Variants in TMEM232 observed in about 807,000 individuals in gnomAD.
TMEM232 encodes the protein transmembrane protein 232.
TMEM232 carries 80 observed loss-of-function variants against 78.8 expected under a neutral mutation model. That is an observed-to-expected ratio of 1.01 (90% CI 0.85 to 1.22). The LOEUF (loss-of-function observed/expected upper bound fraction) is 1.22, where lower values mean the gene tolerates loss of function less well. Among genes scored for constraint, TMEM232 ranks in the 50% most tolerant of loss-of-function variants. The probability of loss-of-function intolerance (pLI) is 0.00; values close to 1 mark genes in which losing one functional copy is unlikely to be tolerated. For missense variants in TMEM232, 881 were observed against 742.2 expected (o/e 1.19, Z -2.17); for synonymous variants, 297 against 254.3 (o/e 1.17, Z -1.60).
At chr5:110,512,293 A>G (rs1767884174) in intron 12 of TMEM232, among the ~76,000 whole-genome samples, 2 of 152,180 alleles carry the variant, frequency 1.3e-5, no homozygotes, top group African/African-American at 4.8e-5. Flanking sequence ...GAATAAATAA[A>G]CTTATGGAAA....
At chr5:110,631,796 T>C (rs1409224552) in intron 5 of TMEM232, among the ~76,000 whole-genome samples, 1 of 152,084 alleles carries the variant, frequency 6.6e-6, no homozygotes, top group East Asian at 1.9e-4. Flanking sequence ...CATGCACTGC[T>C]CAGGACCCAG....
chr5:110,421,050 CATCAAT>C (rs1167448908), intron 13 of TMEM232, among the ~76,000 whole-genome samples: 14 of 151,170 alleles, frequency 9.3e-5, no homozygotes, highest in Admixed American at 7.9e-4. Context: ...TTACGTTCTT[CATCAAT>C]ATTGGTATTT....
intron 5 of TMEM232, 124 bp from the exon 6 acceptor site, chr5:110,628,004 A>G (rs567147338): frequency 2.4e-5 from 17 of 714,996 alleles, no homozygotes; most frequent in African/African-American, 1.5e-4. Context: ...AACTCACTCA[A>G]TATTATGTGG....
intron 5 of TMEM232, among the ~76,000 whole-genome samples, chr5:110,628,206 A>G (rs1451676074): frequency 1.3e-5 from 2 of 151,958 alleles, no homozygotes; most frequent in Admixed American, 1.3e-4. Context: ...TTGAGAGGAG[A>G]TTTTTAAATA....
chr5:110,436,531 T>C (rs1314640606), intron 12 of TMEM232, among the ~76,000 whole-genome samples: 4 of 151,982 alleles, frequency 2.6e-5, no homozygotes, highest in Admixed American at 2.6e-4. Context: ...AATTTTTCCC[T>C]AGACCAATGT....
At chr5:110,556,420 A>G (rs1473402500) in intron 11 of TMEM232, among the ~76,000 whole-genome samples, 3 of 148,446 alleles carry the variant, frequency 2.0e-5, no homozygotes, top group Non-Finnish European at 3.0e-5. Flanking sequence ...GGGCATCCCA[A>G]TCTGTCACTC....
intron 1 of TMEM232, among the ~76,000 whole-genome samples, chr5:110,702,003 C>T (rs1014965809): frequency 6.6e-6 from 1 of 151,752 alleles, no homozygotes; most frequent in East Asian, 1.9e-4. Context: ...TCTTGTATAC[C>T]CCACTCCAAA....
chr5:110,606,283 C>A lies in TMEM232; in HGVS notation c.907G>T (p.Asp303Tyr). 6.6e-7 allele frequency: 1 copy of A among 1,518,524 alleles called. No individual in the cohort carries two copies. Among genetic ancestry groups the A allele is most frequent in the Non-Finnish European group, 8.9e-7 (1 of 1,128,816 alleles). The allele number at this position is 1,518,524 out of a possible 1,614,324, so 94.1% of individuals were successfully genotyped here. A position where few individuals can be genotyped will look rare whatever the true frequency, so the allele number is the denominator to read the frequency against. ...AGGACCAGTAAAGCCAGTACTGAATCCAACCTGAAAATTTTATGGACGAAA... is the reference window on the plus strand; with the variant it reads ...AGGACCAGTAAAGCCAGTACTGAATACAACCTGAAAATTTTATGGACGAAA... ...KTQLQKKCWL[D>Y]SVLALLVLGE... is the part of the protein sequence containing the mutation. The change falls in exon 9 of 14, where the codon GAT (aspartate) becomes TAT (tyrosine). Residue 303 changes from aspartate (D) to tyrosine (Y), a missense_variant. By Grantham distance (160) the Asp-to-Tyr change is radical. Coordinates refer to ENST00000455884, the MANE Select transcript of TMEM232 (RefSeq NM_001039763.4).
intron 12 of TMEM232, among the ~76,000 whole-genome samples, chr5:110,446,763 T>TAGATAGGGACAAAGTCTGGAGAATATTC (rs1390694671): frequency 3.3e-5 from 5 of 152,190 alleles, no homozygotes; most frequent in Non-Finnish European, 7.3e-5. Context: ...TTGCTAATAA[T>TAGATAGGGACAAAGTCTGGAGAATATTC]AGATAGGGAC....
At chr5:110,695,633 C>A (rs927066837) in intron 1 of TMEM232, among the ~76,000 whole-genome samples, 2 of 152,062 alleles carry the variant, frequency 1.3e-5, no homozygotes, top group Non-Finnish European at 2.9e-5. Flanking sequence ...ACCACCGATC[C>A]CACAGAAATA....
At chr5:110,619,191 C>T (rs1270687299) in intron 7 of TMEM232, among the ~76,000 whole-genome samples, 3 of 152,124 alleles carry the variant, frequency 2.0e-5, no homozygotes, top group Non-Finnish European at 4.4e-5. Flanking sequence ...TTCAAATACA[C>T]ATCCTGTGAT....
intron 12 of TMEM232, among the ~76,000 whole-genome samples, chr5:110,505,460 G>A (rs1201582596): frequency 6.6e-6 from 1 of 152,092 alleles, no homozygotes; most frequent in Non-Finnish European, 1.5e-5. Flanking sequence ...AAGAAAAATC[G>A]TTCTAAAGTA....
intron 2 of TMEM232, among the ~76,000 whole-genome samples, chr5:110,733,205 T>C (rs11958168): frequency 0.019 from 2,963 of 152,240 alleles, 88 homozygotes; most frequent in African/African-American, 0.068. Flanking sequence ...TGGTGAGGTT[T>C]GCAGTGAAAA....
chr5:110,720,773 T>G (rs1009538000), intron 1 of TMEM232: 1 of 152,150 alleles, frequency 6.6e-6, no homozygotes, highest in Non-Finnish European at 1.5e-5. Flanking sequence ...CTTGACTGAG[T>G]GCTTTGTGCT....
At chr5:110,488,931 T>C (rs1293324099) in intron 12 of TMEM232, among the ~76,000 whole-genome samples, 1 of 151,878 alleles carries the variant, frequency 6.6e-6, no homozygotes, top group African/African-American at 2.4e-5. Flanking sequence ...TGAACAATCA[T>C]ATGGCAACAA....
intron 2 of TMEM232, among the ~76,000 whole-genome samples, chr5:110,654,098 G>A (rs1788700361): frequency 6.6e-6 from 1 of 152,116 alleles, no homozygotes; most frequent in Non-Finnish European, 1.5e-5. Context: ...AATATGGGGT[G>A]CAAATTCCTT....
At chr5:110,699,432 C>T (rs1292486003) in intron 1 of TMEM232, among the ~76,000 whole-genome samples, 2 of 152,090 alleles carry the variant, frequency 1.3e-5, no homozygotes, top group African/African-American at 2.4e-5. Context: ...ACTCATTAGA[C>T]CAACATCATT....
chr5:110,391,484 G>C (rs1251710331), intron 3 of TMEM232, among the ~76,000 whole-genome samples: 1 of 152,048 alleles, frequency 6.6e-6, no homozygotes, highest in East Asian at 1.9e-4. Flanking sequence ...TATCCTTATA[G>C]AATTTATCAT....
At position 110,618,515 on chromosome 5, in the gene TMEM232, C is replaced by G; in HGVS notation, c.816G>C (p.Trp272Cys). 6.4e-7 allele frequency: 1 copy of G among 1,551,564 alleles called. No homozygotes were observed. Among genetic ancestry groups the G allele is most frequent in the African/African-American group, 1.4e-5 (1 of 73,106 alleles). Residue 272 changes from tryptophan to cysteine, a missense_variant, in exon 8 of 14, where the codon TGG becomes TGC. Transcript: ENST00000455884. Reference sequence around the variant, plus strand: ...GAGGACTGTTATTCTGAACACAAGACCAAGCAGCAACACAGTGCCAGAGCA... The same window carrying G: ...GAGGACTGTTATTCTGAACACAAGAGCAAGCAGCAACACAGTGCCAGAGCA... ...NHLLWHCVAA[W>C]SCVQNNSPQL...
Sources: gnomAD v4.1 joint callset for allele counts (sites outside exome capture counted in the v4.1 genomes callset) on GRCh38, gnomAD v4.1.1 for gene constraint, MANE v1.5 for transcripts, NCBI Gene and HGNC (gene_info 2026-07-23, HGNC 2026-07-21) for gene names.